DCLK1: variants seen among roughly 807,000 people sequenced by gnomAD.
DCLK1 encodes the protein doublecortin like kinase 1.
In DCLK1, 16 loss-of-function variants were observed where a neutral mutation model predicts 86.2. The observed-to-expected ratio is 0.19, with a 90% CI of 0.13 to 0.28. The LOEUF is 0.28. Among genes scored for constraint, DCLK1 ranks in the 10% least tolerant of loss-of-function variants. The pLI, the probability that DCLK1 is intolerant of heterozygous loss-of-function variation, is 1.00. For missense variants in DCLK1, 590 were observed against 940.2 expected (o/e 0.63, Z 4.87); for synonymous variants, 369 against 370.5 (o/e 1.00, Z 0.05).
intron 4 of DCLK1, among the ~76,000 whole-genome samples, chr13:35,934,076 CA>C (rs547341042): frequency 1.8e-4 from 28 of 152,242 alleles, no homozygotes; most frequent in African/African-American, 6.5e-4. Flanking sequence ...ATCTCTAGGT[CA>C]GGGGGAAAAT....
intron 1 of DCLK1, among the ~76,000 whole-genome samples, chr13:36,127,627 A>T (rs1311498443): frequency 6.6e-6 from 1 of 152,176 alleles, no homozygotes; most frequent in African/African-American, 2.4e-5. Flanking sequence ...TAATTTTTTT[A>T]TTAATAAAAT....
intron 11 of DCLK1, among the ~76,000 whole-genome samples, chr13:35,811,609 G>C (rs1342437694): frequency 6.6e-6 from 1 of 152,142 alleles, no homozygotes; most frequent in Non-Finnish European, 1.5e-5. Context: ...CAAGGCAGGT[G>C]GATCACCTGA....
At chr13:36,083,429 G>A (rs537973982) in intron 3 of DCLK1, among the ~76,000 whole-genome samples, 18 of 152,226 alleles carry the variant, frequency 1.2e-4, no homozygotes, top group African/African-American at 4.1e-4. Context: ...TCAGCCTGTC[G>A]AACAAATGGG....
In DCLK1 at chr13:36,126,087, C is replaced by T. The variant is rs1886170169; in HGVS notation, c.51G>A (p.Lys17=). 6.2e-7 allele frequency: 1 copy of T among 1,610,238 alleles called. No individual in the cohort carries two copies. Residue 17 remains lysine, a synonymous_variant, in exon 2 of 17, where the codon AAG becomes AAA. Transcript: ENST00000360631. ...MELEHFDERD[K]AQRYSRGSRV... ...GCGACCCTCGGCTGTATCTCTGCGC[C>T]TTATCCCGCTCGTCGAAGTGCTCCA...
chr13:35,795,400 A>G lies in DCLK1; in HGVS notation c.1945-1921T>C, dbSNP rs528078532. ...AAAAGATCCCAGAATTGAAGCCTTC[A>G]TCTCCATTAGGAATAGAGCTTTTTA... On this transcript the variant is annotated intron_variant, in intron 15 of 16. Transcript: ENST00000360631. 2.0e-5 allele frequency among the ~76,000 whole-genome samples: 3 copies of G among 152,358 alleles called. 1 individual carries two copies. In the South Asian group the frequency reaches 6.2e-4, roughly 32 times the overall value.
At chr13:36,126,523 C>A (rs1014441235) in intron 1 of DCLK1, among the ~76,000 whole-genome samples, 3 of 152,230 alleles carry the variant, frequency 2.0e-5, no homozygotes, top group African/African-American at 7.2e-5. Flanking sequence ...GCCCCCCAAC[C>A]CCTTTGGCCT....
chr13:35,798,616 C>T (rs1482781538), intron 15 of DCLK1, among the ~76,000 whole-genome samples: 8 of 152,214 alleles, frequency 5.3e-5, no homozygotes, highest in Non-Finnish European at 1.5e-5. Context: ...GTCTACAATT[C>T]ACACTGCACT....
In DCLK1 at chr13:36,125,880, G is replaced by A; in HGVS notation, c.258C>T (p.Ala86=). Reference sequence around the variant, plus strand: ...GAGTTCGGGTCAAATCAGCCAGCAGGGCCTCAAAAGATCGGAACCGGTCTG... The same window carrying A: ...GAGTTCGGGTCAAATCAGCCAGCAGAGCCTCAAAAGATCGGAACCGGTCTG... ...ISPDRFRSFE[A]LLADLTRTLS... Residue 86 remains alanine (A), a synonymous_variant, in exon 2 of 17, where the codon GCC becomes GCT. Transcript: ENST00000360631. The A allele has an allele frequency of 6.2e-7, 1 of 1,614,132 alleles. No individual in the cohort carries two copies. The highest frequency in any genetic ancestry group is 8.5e-7 in the Non-Finnish European group (1 of 1,180,030).
chr13:35,989,054 G>T (rs1436069580), intron 3 of DCLK1, among the ~76,000 whole-genome samples: 1 of 151,978 alleles, frequency 6.6e-6, no homozygotes, highest in East Asian at 1.9e-4. Context: ...ACAATAAATA[G>T]AAACTTTACA....
At chr13:35,777,112 C>T (rs1199898553) in intron 16 of DCLK1, among the ~76,000 whole-genome samples, 1 of 152,186 alleles carries the variant, frequency 6.6e-6, no homozygotes, top group Non-Finnish European at 1.5e-5. Flanking sequence ...CAGCAGCTTT[C>T]TAAATGTTCA....
intron 4 of DCLK1, among the ~76,000 whole-genome samples, chr13:35,889,031 A>AT (rs1295542583): frequency 6.6e-6 from 1 of 152,194 alleles, no homozygotes; most frequent in African/African-American, 2.4e-5. Context: ...TATTTATATA[A>AT]TTTTAAAAAT....
intron 3 of DCLK1, among the ~76,000 whole-genome samples, chr13:35,966,793 C>T (rs1252818853): frequency 1.3e-5 from 2 of 152,128 alleles, no homozygotes; most frequent in East Asian, 2.0e-4. Context: ...GACGGAGTCT[C>T]GCTCACTCAG....
chr13:35,948,114 A>G lies in DCLK1; in HGVS notation c.724-657T>C, dbSNP rs1877482451. On this transcript the variant is annotated intron_variant, in intron 3 of 16. Coordinates refer to ENST00000360631, the MANE Select transcript of DCLK1 (RefSeq NM_001330071.2). ...GCAAGTTTTAAGGCAACCTTTTGAT[A>G]TTTACTCGACTTACTCTCCAATGAG... is the stretch of plus-strand genomic sequence containing the variant. Among the ~76,000 whole-genome samples the G allele has an allele frequency of 2.6e-5, 4 of 152,210 alleles. 1 individual carries two copies. In the South Asian group the frequency reaches 8.3e-4, roughly 31 times the overall value.
intron 3 of DCLK1, among the ~76,000 whole-genome samples, chr13:35,981,404 C>G (rs961480618): frequency 9.9e-5 from 15 of 151,850 alleles, no homozygotes; most frequent in Admixed American, 9.2e-4. Flanking sequence ...ACCTCCTGTC[C>G]CCACACACAG....
At chr13:35,882,661 G>A (rs892605593) in intron 4 of DCLK1, among the ~76,000 whole-genome samples, 1 of 152,012 alleles carries the variant, frequency 6.6e-6, no homozygotes, top group Admixed American at 6.6e-5. Context: ...CTGCCTCTGG[G>A]CATTGGAATA....
chr13:35,835,652 C>T (rs1374598922), intron 8 of DCLK1, among the ~76,000 whole-genome samples: 2 of 152,196 alleles, frequency 1.3e-5, no homozygotes, highest in East Asian at 3.9e-4. Flanking sequence ...GTATTTCATC[C>T]TATGCTAGTA....
At chr13:35,913,927 T>A (rs538685502) in intron 4 of DCLK1, among the ~76,000 whole-genome samples, 120 of 152,328 alleles carry the variant, frequency 7.9e-4, no homozygotes, top group African/African-American at 2.6e-3. Flanking sequence ...CCAGGAAAGA[T>A]GATTATTTTT....
intron 3 of DCLK1, among the ~76,000 whole-genome samples, chr13:35,953,351 T>A (rs529978915): frequency 6.6e-6 from 1 of 152,284 alleles, no homozygotes; most frequent in South Asian, 2.1e-4. Context: ...CACATTTGCA[T>A]ATTATAAATT....
chr13:35,828,059 G>C (rs2153106159), intron 9 of DCLK1, among the ~76,000 whole-genome samples, 191 bp downstream of exon 9: 1 of 152,322 alleles, frequency 6.6e-6, no homozygotes. Flanking sequence ...AGGAAGTGAA[G>C]TCATATCTAA....
Sources: gnomAD v4.1 joint callset for allele counts (sites outside exome capture counted in the v4.1 genomes callset) on GRCh38, gnomAD v4.1.1 for gene constraint, MANE v1.5 for transcripts, NCBI Gene and HGNC (gene_info 2026-07-23, HGNC 2026-07-21) for gene names.